The following THSD4 variants were observed in gnomAD, a reference collection of about 807,000 sequenced individuals.
The protein encoded by THSD4 is thrombospondin type-1 domain-containing protein 4.
Under a neutral mutation model 119.0 loss-of-function variants are expected in THSD4, and 69 were observed. The ratio of observed to expected loss-of-function variants is 0.58; its 90% CI spans 0.48 to 0.71. The LOEUF (loss-of-function observed/expected upper bound fraction) is 0.71, where lower values mean the gene tolerates loss of function less well. THSD4 is among the 30% of genes least tolerant of loss of function. THSD4 has a pLI of 0.00. For synonymous variants in THSD4, 524 were observed against 540.4 expected (o/e 0.97, Z 0.42); for missense variants, 1,393 against 1,391.1 (o/e 1.00, Z -0.02).
intron 8 of THSD4, among the ~76,000 whole-genome samples, chr15:71,679,841 C>G (rs1248661003): frequency 2.0e-5 from 3 of 152,116 alleles, no homozygotes; most frequent in Non-Finnish European, 4.4e-5. Flanking sequence ...AAGGCCTGGC[C>G]TATAGGAAGA....
At chr15:71,339,165 T>C (rs78401230) in intron 6 of THSD4, among the ~76,000 whole-genome samples, 1 of 152,350 alleles carries the variant, frequency 6.6e-6, no homozygotes, top group East Asian at 1.9e-4. Flanking sequence ...CTCTGGGTTC[T>C]TCATAGCATT....
intron 8 of THSD4, among the ~76,000 whole-genome samples, chr15:71,722,619 C>A (rs562074378): frequency 9.6e-4 from 146 of 152,230 alleles, no homozygotes; most frequent in African/African-American, 3.3e-3. Flanking sequence ...GAGAAAATAT[C>A]TTTCACAAGT....
At chr15:71,456,326 AT>A (rs1450365060) in intron 7 of THSD4, among the ~76,000 whole-genome samples, 7 of 152,318 alleles carry the variant, frequency 4.6e-5, no homozygotes, top group Admixed American at 4.6e-4. Context: ...TCTGGAAAGA[AT>A]TTTTGCCAGG....
intron 6 of THSD4, among the ~76,000 whole-genome samples, chr15:71,403,821 G>T (rs1456875902): frequency 7.5e-6 from 1 of 132,646 alleles, no homozygotes; most frequent in Non-Finnish European, 1.6e-5. Flanking sequence ...ATGGGACTTG[G>T]GGGCAAGGGA....
At chr15:71,106,629 A>C (rs1183341505) in intron 1 of THSD4, among the ~76,000 whole-genome samples, 2 of 152,170 alleles carry the variant, frequency 1.3e-5, no homozygotes, top group Non-Finnish European at 2.9e-5. Flanking sequence ...TTGTATTTAC[A>C]AATGTCATCA....
chr15:71,637,379 G>T (rs1278968401), intron 7 of THSD4, among the ~76,000 whole-genome samples: 1 of 152,140 alleles, frequency 6.6e-6, no homozygotes, highest in Non-Finnish European at 1.5e-5. Flanking sequence ...TGAAGCCCAG[G>T]GCTAGGAGAC....
chr15:71,437,362 C>T (rs1409451739), intron 7 of THSD4, among the ~76,000 whole-genome samples: 1 of 152,190 alleles, frequency 6.6e-6, no homozygotes, highest in Admixed American at 6.5e-5. Context: ...ATATCAGGCA[C>T]CAAAATAGAA....
intron 7 of THSD4, among the ~76,000 whole-genome samples, chr15:71,412,547 A>G (rs1176151201): frequency 2.0e-5 from 3 of 152,228 alleles, no homozygotes; most frequent in African/African-American, 4.8e-5. Flanking sequence ...TTTAGCAGGT[A>G]AATGACTCTG....
chr15:71,571,059 A>G (rs4477643), intron 7 of THSD4, among the ~76,000 whole-genome samples: 6 of 152,020 alleles, frequency 3.9e-5, no homozygotes, highest in African/African-American at 1.5e-4. Flanking sequence ...AGAACTCCCT[A>G]TGAGCCTGAG....
intron 6 of THSD4, among the ~76,000 whole-genome samples, chr15:71,381,665 A>G (rs2046230595): frequency 6.6e-6 from 1 of 152,200 alleles, no homozygotes; most frequent in Non-Finnish European, 1.5e-5. Flanking sequence ...TAAAAATCTA[A>G]TGAGAATTCA....
intron 7 of THSD4, among the ~76,000 whole-genome samples, chr15:71,465,448 G>A (rs1047103639): frequency 2.0e-5 from 3 of 152,056 alleles, no homozygotes; most frequent in Non-Finnish European, 4.4e-5. Flanking sequence ...TACCTTTTGG[G>A]GGTTTCAACT....
chr15:71,247,099 T>C (rs957376545), intron 5 of THSD4, among the ~76,000 whole-genome samples: 2 of 152,104 alleles, frequency 1.3e-5, no homozygotes, highest in Non-Finnish European at 2.9e-5. Flanking sequence ...GGTTTTACCA[T>C]GTTGGCCAAG....
chr15:71,482,688 C>A lies in THSD4; in HGVS notation c.1152+70865C>A, dbSNP rs560963168. 3.9e-5 allele frequency among the ~76,000 whole-genome samples: 6 copies of A among 152,108 alleles called. No individual in the cohort carries two copies. In the South Asian group the frequency reaches 1.3e-3, roughly 32 times the overall value. Reference sequence around the variant, plus strand: ...GCAACCTCCACCTCCCAAGTTCAAGCGATTCTCTTGCCTCAGCCTCCCAAG... The same window carrying A: ...GCAACCTCCACCTCCCAAGTTCAAGAGATTCTCTTGCCTCAGCCTCCCAAG... On this transcript the variant is annotated intron_variant, in intron 7 of 17. Coordinates refer to ENST00000261862, the MANE Select transcript of THSD4 (RefSeq NM_024817.3).
At chr15:71,492,833 T>C (rs2047942777) in intron 7 of THSD4, among the ~76,000 whole-genome samples, 1 of 152,134 alleles carries the variant, frequency 6.6e-6, no homozygotes. Context: ...ATCGATTTGC[T>C]TGTGGTGAGA....
intron 8 of THSD4, among the ~76,000 whole-genome samples, chr15:71,727,539 A>AAAAAAAC (rs2052867004): frequency 2.0e-4 from 1 of 5,074 alleles, no homozygotes; most frequent in African/African-American, 3.1e-4. Context: ...CTTAAAAAAA[A>AAAAAAAC]AAAAAAAAAA....
chr15:71,235,915 A>G (rs1205660216), intron 4 of THSD4, among the ~76,000 whole-genome samples: 2 of 152,190 alleles, frequency 1.3e-5, no homozygotes, highest in Non-Finnish European at 2.9e-5. Flanking sequence ...TTAATGCTAT[A>G]AAACTCAGGA....
At chr15:71,722,441 A>T (rs540878351) in intron 8 of THSD4, among the ~76,000 whole-genome samples, 1 of 152,306 alleles carries the variant, frequency 6.6e-6, no homozygotes, top group South Asian at 2.1e-4. Context: ...GTCCTTGCAG[A>T]TTCCTCCTGT....
chr15:71,296,562 C>A (rs1237237228), intron 6 of THSD4, among the ~76,000 whole-genome samples: 7 of 152,176 alleles, frequency 4.6e-5, no homozygotes, highest in Non-Finnish European at 8.8e-5. Context: ...GTACGCAGAG[C>A]AGGGCTGAGG....
At chr15:71,283,117 G>A (rs150095429) in intron 6 of THSD4, among the ~76,000 whole-genome samples, 5 of 152,038 alleles carry the variant, frequency 3.3e-5, no homozygotes, top group South Asian at 2.1e-4. Context: ...CTACAGGCGC[G>A]TGCCACCACA....
Sources: gnomAD v4.1 joint callset for allele counts (sites outside exome capture counted in the v4.1 genomes callset) on GRCh38, gnomAD v4.1.1 for gene constraint, MANE v1.5 for transcripts, NCBI Gene and HGNC (gene_info 2026-07-23, HGNC 2026-07-21) for gene names.